The following DNM3 variants were observed in gnomAD, a reference collection of about 807,000 sequenced individuals.
The protein encoded by DNM3 is dynamin-3.
Under a neutral mutation model 101.6 loss-of-function variants are expected in DNM3, and 47 were observed. The ratio of observed to expected loss-of-function variants is 0.46; its 90% CI spans 0.37 to 0.59. DNM3 has a LOEUF of 0.59. DNM3 is among the 20% of genes least tolerant of loss of function. DNM3 has a pLI of 0.00. For missense variants in DNM3, 849 were observed against 1,085.7 expected, an observed-to-expected ratio of 0.78 and a Z score of 3.06; for synonymous variants, 385 against 387.9, an observed-to-expected ratio of 0.99 and a Z score of 0.09.
rs367972074 is a variant in DNM3 at position 172,391,038 on chromosome 1, C to T, written c.2522+2229C>T. Among the ~76,000 whole-genome samples, 149 of 152,252 alleles carry T rather than the reference C, an allele frequency of 9.8e-4. 2 individuals carry two copies. The South Asian group carries it at 0.029, about 30-fold the overall frequency. On this transcript the variant is annotated intron_variant, in intron 20 of 20. Coordinates refer to ENST00000627582, the MANE Select transcript of DNM3 (RefSeq NM_015569.5). ...GAGTTGCCGTTAGTATTTTCCAGCT[C>T]GCACGAACAAGGCAGCCGGATGAGA...
downstream of DNM3, among the ~76,000 whole-genome samples, chr1:172,414,588 A>C (rs944206507): frequency 1.1e-4 from 16 of 152,256 alleles, no homozygotes; most frequent in African/African-American, 3.9e-4. Flanking sequence ...CAGTGGCTTT[A>C]AGCCAAAGGA....
chr1:171,950,716 T>G (rs1007979248), intron 2 of DNM3, among the ~76,000 whole-genome samples: 1 of 152,124 alleles, frequency 6.6e-6, no homozygotes, highest in Non-Finnish European at 1.5e-5. Flanking sequence ...CCAAGGAGCA[T>G]GATTAAACTT....
At chr1:171,871,864 GTTTT>G (rs57412557) in intron 1 of DNM3, among the ~76,000 whole-genome samples, 2 of 136,454 alleles carry the variant, frequency 1.5e-5, no homozygotes, top group African/African-American at 5.3e-5. Context: ...TTGTTGTCTT[GTTTT>G]TTTTTTTTTG....
chr1:171,984,145 C>T (rs2045054001), intron 2 of DNM3, among the ~76,000 whole-genome samples: 1 of 152,146 alleles, frequency 6.6e-6, no homozygotes, highest in Non-Finnish European at 1.5e-5. Context: ...ACTGTTGCCA[C>T]CCTGGTCTAA....
Position 172,337,903 on chromosome 1 carries a change from T to A in DNM3, c.1893+14563T>A, listed in dbSNP as rs188730521. On this transcript the variant is annotated intron_variant, in intron 17 of 20. Transcript: ENST00000627582. ...TTTATTTTATTTTATTTTATTTTAT[T>A]TTATTTTATTTTATTTTATTTTATT... Among the ~76,000 whole-genome samples, 150 of 135,356 alleles carry A rather than the reference T, an allele frequency of 1.1e-3. 1 individual carries two copies. Among genetic ancestry groups the A allele is most frequent in the African/African-American group, 3.7e-3 (137 of 36,850 alleles). 88.8% of individuals were successfully genotyped at this position (135,356 alleles called of 152,430 possible).
In DNM3 at chr1:172,100,545, C is replaced by T. The variant is rs184507603; in HGVS notation, c.1545+7670C>T. The stretch of plus-strand genomic sequence containing the variant: ...CTAAGAGAGATCCTTCCAGTCCTCT[C>T]GCCTTTCTCCGCTCAGCTAATTCCA... On this transcript the variant is annotated intron_variant, in intron 13 of 20. Transcript: ENST00000627582. Among the ~76,000 whole-genome samples the T allele has an allele frequency of 2.2e-4, 34 of 152,326 alleles. No homozygotes were observed. In the East Asian group the frequency reaches 5.8e-3, roughly 26 times the overall value.
rs1184143326 is a variant in DNM3, at chr1:171,841,511, G to T, written c.-146G>T. ...TCGTTAGCTGTCAGAGCCAAGCGGCGGGCTGGCGGCGGGCTCCGACGTCTG... is the reference window on the plus strand; with the variant it reads ...TCGTTAGCTGTCAGAGCCAAGCGGCTGGCTGGCGGCGGGCTCCGACGTCTG... On this transcript the variant is annotated 5_prime_UTR_variant, in exon 1 of 21. Coordinates refer to ENST00000627582, the MANE Select transcript of DNM3 (RefSeq NM_015569.5). 3 of 1,163,166 alleles carry T rather than the reference G, an allele frequency of 2.6e-6. No homozygotes were observed. Among genetic ancestry groups the T allele is most frequent in the Admixed American group, 3.4e-5 (1 of 29,286 alleles). The allele number at this position is 1,163,166 out of a possible 1,614,324, so 72.1% of individuals were successfully genotyped here. A position where few individuals can be genotyped will look rare whatever the true frequency, so the allele number is the denominator to read the frequency against.
chr1:172,008,583 A>ATTT (rs59449917), intron 4 of DNM3, among the ~76,000 whole-genome samples: 2 of 141,736 alleles, frequency 1.4e-5, no homozygotes, highest in Non-Finnish European at 1.5e-5. Flanking sequence ...TAGGTCTGCA[A>ATTT]TTTTTTTTTT....
intron 3 of DNM3, 114 bp downstream of exon 3, chr1:171,987,919 T>C (rs2045377354): frequency 2.0e-6 from 2 of 991,020 alleles, no homozygotes; most frequent in Non-Finnish European, 2.7e-6. Context: ...AGGGTATCCT[T>C]TGGATACTGC....
chr1:172,240,937 T>C (rs1468593541), intron 14 of DNM3, among the ~76,000 whole-genome samples: 2 of 152,128 alleles, frequency 1.3e-5, no homozygotes, highest in African/African-American at 2.4e-5. Flanking sequence ...TGTTTTGCCA[T>C]GCTGAGTAAA....
intron 15 of DNM3, among the ~76,000 whole-genome samples, chr1:172,291,960 G>A (rs1376419486): frequency 6.6e-6 from 1 of 152,152 alleles, no homozygotes; most frequent in Non-Finnish European, 1.5e-5. Context: ...GAGCAAACTA[G>A]AAGGATGGGC....
intron 2 of DNM3, among the ~76,000 whole-genome samples, chr1:171,975,752 G>A (rs1326935772): frequency 6.6e-6 from 1 of 152,112 alleles, no homozygotes; most frequent in Non-Finnish European, 1.5e-5. Flanking sequence ...GAAAATAAAA[G>A]AACCCAGAAT....
chr1:172,034,430 G>GA (rs1205440197), intron 6 of DNM3, among the ~76,000 whole-genome samples: 3 of 151,968 alleles, frequency 2.0e-5, no homozygotes, highest in East Asian at 3.9e-4. Flanking sequence ...CAAATAAACT[G>GA]AAAAAATCTC....
At chr1:172,186,975 A>G (rs1457375388) in intron 14 of DNM3, among the ~76,000 whole-genome samples, 1 of 151,904 alleles carries the variant, frequency 6.6e-6, no homozygotes, top group Non-Finnish European at 1.5e-5. Flanking sequence ...CTGAGAAGCT[A>G]CTCTCCATGG....
intron 14 of DNM3, among the ~76,000 whole-genome samples, chr1:172,195,672 T>C (rs2059921113): frequency 6.6e-6 from 1 of 151,964 alleles, no homozygotes; most frequent in Admixed American, 6.6e-5. Flanking sequence ...TCTATCGATA[T>C]GATAGTATGT....
intron 14 of DNM3, among the ~76,000 whole-genome samples, chr1:172,143,651 G>A (rs1156643524): frequency 1.3e-5 from 2 of 152,068 alleles, no homozygotes; most frequent in Non-Finnish European, 2.9e-5. Context: ...TCAGAGAAGT[G>A]GAAGCATTGT....
intron 1 of DNM3, among the ~76,000 whole-genome samples, chr1:171,878,995 G>C (rs9425814): frequency 0.43 from 64,856 of 151,968 alleles, 13,972 homozygotes; most frequent in African/African-American, 0.44. Context: ...AGTCCCCTAT[G>C]TTTTCTGTCA....
chr1:172,091,014 T>C (rs2053871614), intron 12 of DNM3, among the ~76,000 whole-genome samples: 1 of 152,246 alleles, frequency 6.6e-6, no homozygotes, highest in Non-Finnish European at 1.5e-5. Flanking sequence ...TGTTTATTCA[T>C]GGATCCACCA....
intron 4 of DNM3, among the ~76,000 whole-genome samples, chr1:172,024,921 C>G (rs946930410): frequency 1.5e-4 from 23 of 152,174 alleles, no homozygotes; most frequent in African/African-American, 4.6e-4. Flanking sequence ...TTTTCATACC[C>G]CAGTGGCACC....
Sources: gnomAD v4.1 joint callset for allele counts (sites outside exome capture counted in the v4.1 genomes callset) on GRCh38, gnomAD v4.1.1 for gene constraint, MANE v1.5 for transcripts, NCBI Gene and HGNC (gene_info 2026-07-23, HGNC 2026-07-21) for gene names.